CNGB1: variants seen among roughly 807,000 people sequenced by gnomAD.
CNGB1 encodes the protein cyclic nucleotide gated channel subunit beta 1.
In CNGB1, 126 loss-of-function variants were observed where a neutral mutation model predicts 151.7. That is an observed-to-expected ratio of 0.83 (90% CI 0.72 to 0.96). CNGB1 has a LOEUF of 0.96. CNGB1 is among the 40% of genes least tolerant of loss of function. CNGB1 has a pLI of 0.00. For missense variants in CNGB1, 1,698 were observed against 1,627.0 expected (o/e 1.04, Z -0.75); for synonymous variants, 623 against 635.1 (o/e 0.98, Z 0.29).
At position 57,898,002 on chromosome 16, in the gene CNGB1, G is replaced by A. The variant is rs1960282408; in HGVS notation, c.2977-88C>T. 3.0e-5 allele frequency: 42 copies of A among 1,385,476 alleles called. No homozygotes were observed. The Admixed American group carries it at 4.4e-4, about 14-fold the overall frequency. 85.8% of individuals were successfully genotyped at this position (1,385,476 alleles called of 1,614,324 possible). On this transcript the variant is annotated intron_variant, in intron 29 of 32. Coordinates refer to ENST00000251102, the MANE Select transcript of CNGB1 (RefSeq NM_001297.5). ...GGCTGGATCCAGAGGCTGGAGGTCCGGCAAGGAGGAACCTAGGCACTGGGG... is the reference window on the plus strand; with the variant it reads ...GGCTGGATCCAGAGGCTGGAGGTCCAGCAAGGAGGAACCTAGGCACTGGGG...
At chr16:57,899,908 GC>G (rs1242791346) in intron 29 of CNGB1, among the ~76,000 whole-genome samples, 1 of 152,164 alleles carries the variant, frequency 6.6e-6, no homozygotes, top group South Asian at 2.1e-4. Context: ...AGCAGAGGGC[GC>G]CCTTCACACG....
chr16:57,898,972 A>G (rs779699550), intron 29 of CNGB1, among the ~76,000 whole-genome samples: 11 of 152,340 alleles, frequency 7.2e-5, no homozygotes, highest in Non-Finnish European at 1.5e-4. Flanking sequence ...ACCTAATCCA[A>G]TATGACTGGT....
At chr16:57,908,234 T>A (rs1250765146) in intron 25 of CNGB1, among the ~76,000 whole-genome samples, 1 of 152,182 alleles carries the variant, frequency 6.6e-6, no homozygotes, top group African/African-American at 2.4e-5. Flanking sequence ...GGGGCAGGGC[T>A]CATGGCAGAA....
chr16:57,893,053 T>G (rs9928234), intron 31 of CNGB1, among the ~76,000 whole-genome samples: 20,276 of 152,164 alleles, frequency 0.13, 2,675 homozygotes, highest in African/African-American at 0.34. Flanking sequence ...GATACATCAC[T>G]GTGCTGTAGG....
chr16:57,962,468 A>T, intron 7 of CNGB1, 97 bp downstream of exon 7: 1 of 1,089,910 alleles, frequency 9.2e-7, no homozygotes, highest in South Asian at 1.2e-5. Flanking sequence ...CCAAGGTCAC[A>T]CCCTGAGGTG....
intron 15 of CNGB1, among the ~76,000 whole-genome samples, chr16:57,939,963 A>C (rs942948430): frequency 2.6e-5 from 4 of 152,186 alleles, no homozygotes; most frequent in Non-Finnish European, 5.9e-5. Context: ...ACAGGTGGCC[A>C]CTGGGACCCA....
intron 14 of CNGB1, among the ~76,000 whole-genome samples, chr16:57,941,956 A>G (rs1354532316): frequency 3.3e-5 from 5 of 152,162 alleles, no homozygotes; most frequent in Admixed American, 6.6e-5. Context: ...GGCTCAAGCC[A>G]TCCTCCTGCT....
chr16:57,907,403 A>G (rs1960584527), intron 25 of CNGB1, among the ~76,000 whole-genome samples: 2 of 151,872 alleles, frequency 1.3e-5, no homozygotes, highest in African/African-American at 4.8e-5. Context: ...GGGGTTTGTG[A>G]CCCCCTAAAA....
intron 12 of CNGB1, among the ~76,000 whole-genome samples, chr16:57,952,342 G>A (rs906636809): frequency 5.9e-5 from 9 of 152,158 alleles, no homozygotes; most frequent in Non-Finnish European, 8.8e-5. Flanking sequence ...TGTGCCCCAC[G>A]AGCGCCTCAC....
At position 57,887,899 on chromosome 16, in the gene CNGB1, C is replaced by A. The variant is rs1223537934; in HGVS notation, c.3418G>T (p.Ala1140Ser). The change falls in exon 32 of 33, where the codon GCC (alanine) becomes TCC (serine). Residue 1140 changes from alanine (A) to serine (S), a missense_variant. Physicochemically the swap from Ala to Ser is moderately conservative, Grantham distance 99. Coordinates refer to ENST00000251102, the MANE Select transcript of CNGB1 (RefSeq NM_001297.5). The stretch of plus-strand genomic sequence containing the variant: ...TGCTTTGCAGCCGCCTCCAGCGCGG[C>A]CAGTTCTTTGAGCCGGGCCCGGAGG... The part of the protein sequence containing the change: ...AHLRARLKEL[A>S]ALEAAAKQQE... The A allele has an allele frequency of 6.2e-7, 1 of 1,614,202 alleles. No homozygotes were observed. Among genetic ancestry groups the A allele is most frequent in the African/African-American group, 1.3e-5 (1 of 75,054 alleles).
intron 13 of CNGB1, among the ~76,000 whole-genome samples, chr16:57,949,856 A>G (rs1961905507): frequency 6.6e-6 from 1 of 152,242 alleles, no homozygotes; most frequent in African/African-American, 2.4e-5. Context: ...CCAATGACCC[A>G]GCAATTCCCC....
At chr16:57,885,576 C>CTCTTTCTTTCTTTCTT in intron 32 of CNGB1, among the ~76,000 whole-genome samples, 1 of 124,338 alleles carries the variant, frequency 8.0e-6, no homozygotes, top group South Asian at 3.2e-4. Context: ...CTCTCTCTCT[C>CTCTTTCTTTCTTTCTT]TCTTTCTTTC....
intron 25 of CNGB1, among the ~76,000 whole-genome samples, chr16:57,906,070 G>A (rs1264505288): frequency 6.6e-6 from 1 of 152,200 alleles, no homozygotes; most frequent in Admixed American, 6.5e-5. Flanking sequence ...CCTAGACACT[G>A]GGCAGTCCCT....
intron 16 of CNGB1, among the ~76,000 whole-genome samples, chr16:57,933,634 G>A (rs1178484889): frequency 6.6e-6 from 1 of 152,158 alleles, no homozygotes; most frequent in African/African-American, 2.4e-5. Flanking sequence ...CAGCAAGGCA[G>A]GCAGGGATAC....
chr16:57,962,462 G>C lies in CNGB1; in HGVS notation c.458+103C>G, dbSNP rs997680331. ...CAGAAGAGACGGGAGGCATGTCCAA[G>C]GTCACACCCTGAGGTGGTAACAGAC... On this transcript the variant is annotated intron_variant, in intron 7 of 32. Coordinates refer to ENST00000251102, the MANE Select transcript of CNGB1 (RefSeq NM_001297.5). 1.1e-4 allele frequency: 113 copies of C among 1,026,978 alleles called. 1 individual carries two copies. Among genetic ancestry groups the C allele is most frequent in the Non-Finnish European group, 1.7e-4 (110 of 645,738 alleles). The allele number at this position is 1,026,978 out of a possible 1,614,324, so 63.6% of individuals were successfully genotyped here.
intron 16 of CNGB1, among the ~76,000 whole-genome samples, chr16:57,935,879 T>C (rs1961495458): frequency 6.6e-6 from 1 of 151,958 alleles, no homozygotes; most frequent in Non-Finnish European, 1.5e-5. Context: ...TTGGATGACC[T>C]CCATGCCACC....
Position 57,957,371 on chromosome 16 carries a change from C to G in CNGB1, c.844G>C (p.Asp282His), listed in dbSNP as rs780015277. 48 of 1,613,966 alleles carry G rather than the reference C, an allele frequency of 3.0e-5. No homozygotes were observed. In the South Asian group the frequency reaches 3.1e-4, roughly 10 times the overall value. Residue 282 changes from aspartate to histidine, a missense_variant, in exon 12 of 33, where the codon GAC becomes CAC. Asp to His is a moderately conservative substitution (Grantham distance 81). Coordinates refer to ENST00000251102, the MANE Select transcript of CNGB1 (RefSeq NM_001297.5). ...LHGKIGEQEPDSPGICDVQTI... is the reference protein window; with the variant it reads ...LHGKIGEQEPHSPGICDVQTI... The stretch of plus-strand genomic sequence containing the variant: ...TGCACATCACATATCCCAGGGGAGT[C>G]AGGCTCCTGCATGGAGAGAGAAAAA...
chr16:57,920,780 G>A (rs1447700634), intron 18 of CNGB1, among the ~76,000 whole-genome samples: 2 of 152,196 alleles, frequency 1.3e-5, no homozygotes, highest in African/African-American at 2.4e-5. Flanking sequence ...AATGTACCAC[G>A]TAGGCTCTGA....
intron 12 of CNGB1, 62 bp downstream of exon 12, chr16:57,957,279 C>T (rs1962113216): frequency 1.3e-6 from 2 of 1,528,738 alleles, no homozygotes; most frequent in Admixed American, 3.3e-5. Flanking sequence ...TACAGTCAGA[C>T]CCAAGGACAC....
Sources: allele counts gnomAD v4.1 joint callset (sites outside exome capture counted in the v4.1 genomes callset), GRCh38; gene constraint gnomAD v4.1.1; transcripts MANE v1.5; gene names NCBI Gene and HGNC (gene_info 2026-07-23, HGNC 2026-07-21).